Variants in RHOBTB1 observed in about 807,000 individuals in gnomAD.
RHOBTB1 encodes Rho related BTB domain containing 1.
A neutral mutation model predicts 71.6 loss-of-function variants in RHOBTB1; 40 were observed. That is an observed-to-expected ratio of 0.56 (90% confidence interval 0.43 to 0.73). The LOEUF is 0.73. RHOBTB1 is among the 30% of genes least tolerant of loss of function. The pLI, the probability that RHOBTB1 is intolerant of heterozygous loss-of-function variation, is 0.00. For missense variants in RHOBTB1, 797 were observed against 894.0 expected, an observed-to-expected ratio of 0.89 and a Z score of 1.38; for synonymous variants, 319 against 334.9, an observed-to-expected ratio of 0.95 and a Z score of 0.52.
upstream of RHOBTB1, among the ~76,000 whole-genome samples, chr10:60,944,780 C>G (rs1274366447): frequency 6.6e-6 from 1 of 152,222 alleles, no homozygotes; most frequent in Non-Finnish European, 1.5e-5. Context: ...CCTCCTCCTC[C>G]CTGGGCGGCT....
At chr10:60,985,525 T>C (rs2086633884) in intron 2 of RHOBTB1, among the ~76,000 whole-genome samples, 1 of 152,186 alleles carries the variant, frequency 6.6e-6, no homozygotes, top group Non-Finnish European at 1.5e-5. Context: ...CAATTTCCTG[T>C]ACAAAATGCT....
chr10:60,926,541 T>C (rs1372187262), intron 2 of RHOBTB1, among the ~76,000 whole-genome samples: 2 of 152,056 alleles, frequency 1.3e-5, no homozygotes, highest in Non-Finnish European at 2.9e-5. Context: ...CATGATCAAG[T>C]GAAATTCATC....
At chr10:60,981,262 TC>T (rs1348381022) in intron 2 of RHOBTB1, among the ~76,000 whole-genome samples, 1 of 152,076 alleles carries the variant, frequency 6.6e-6, no homozygotes, top group Non-Finnish European at 1.5e-5. Context: ...CAATGCGAGG[TC>T]CCCAGAATTA....
chr10:60,908,024 A>C (rs2082766441), intron 4 of RHOBTB1, among the ~76,000 whole-genome samples: 1 of 152,226 alleles, frequency 6.6e-6, no homozygotes, highest in African/African-American at 2.4e-5. Context: ...GGCTTTTGAA[A>C]AATTGGAGCT....
chr10:60,942,852 T>C (rs2084975137), intron 1 of RHOBTB1, among the ~76,000 whole-genome samples: 1 of 128,396 alleles, frequency 7.8e-6, no homozygotes, highest in Non-Finnish European at 1.5e-5. Context: ...AAACCACCGA[T>C]AACGGTATTT....
intron 1 of RHOBTB1, among the ~76,000 whole-genome samples, chr10:60,991,538 C>A (rs1001085826): frequency 6.6e-6 from 1 of 151,120 alleles, no homozygotes; most frequent in African/African-American, 2.4e-5. Flanking sequence ...TCAAGCAATT[C>A]TCCTGCCTCA....
chr10:60,922,763 G>C (rs2083642621), intron 2 of RHOBTB1, among the ~76,000 whole-genome samples: 1 of 152,212 alleles, frequency 6.6e-6, no homozygotes, highest in Non-Finnish European at 1.5e-5. Flanking sequence ...ACCAGGTAGA[G>C]AGAACAAAGT....
At position 60,911,439 on chromosome 10, in the gene RHOBTB1, G is replaced by A. The variant is rs1046307292; in HGVS notation, c.104C>T (p.Ala35Val). 1.7e-5 allele frequency: 27 copies of A among 1,614,160 alleles called. No individual in the cohort carries two copies. Among genetic ancestry groups the A allele is most frequent in the Middle Eastern group, 1.6e-4 (1 of 6,062 alleles). ...ATACTGCGTGAGTGTGGTGTTGCAC[G>A]CCCTGGCACAGATCAAGCGCGTCTT... ...VGKTRLICAR[A>V]CNTTLTQYQL... Residue 35 changes from alanine to valine, a missense_variant, in exon 3 of 11, where the codon GCG becomes GTG. Physicochemically the swap from Ala to Val is moderately conservative, Grantham distance 64. Coordinates refer to ENST00000337910, the MANE Select transcript of RHOBTB1 (RefSeq NM_014836.5).
chr10:60,991,823 G>A (rs965434139), intron 1 of RHOBTB1, among the ~76,000 whole-genome samples: 1 of 152,082 alleles, frequency 6.6e-6, no homozygotes, highest in Admixed American at 6.5e-5. Flanking sequence ...TCTAGTTGAT[G>A]CCTGTGCATC....
intron 2 of RHOBTB1, among the ~76,000 whole-genome samples, chr10:60,955,892 C>A (rs577891882): frequency 1.2e-4 from 19 of 152,262 alleles, no homozygotes; most frequent in African/African-American, 4.6e-4. Context: ...ACATTTATAA[C>A]AACTTTTAAT....
At chr10:60,900,596 C>G (rs981684859) in intron 4 of RHOBTB1, among the ~76,000 whole-genome samples, 1 of 152,132 alleles carries the variant, frequency 6.6e-6, no homozygotes, top group South Asian at 2.1e-4. Flanking sequence ...TCATTGTGCG[C>G]ACACAGTGTA....
At chr10:60,912,216 T>TACAC (rs1589275899) in intron 2 of RHOBTB1, among the ~76,000 whole-genome samples, 1 of 151,424 alleles carries the variant, frequency 6.6e-6, no homozygotes, top group African/African-American at 2.4e-5. Context: ...TATATATGTG[T>TACAC]ATATATATAC....
upstream of RHOBTB1, among the ~76,000 whole-genome samples, chr10:60,947,633 C>T (rs969505320): frequency 6.6e-6 from 1 of 151,826 alleles, no homozygotes; most frequent in African/African-American, 2.4e-5. Context: ...TGAATTTCAT[C>T]CATGGTATTG....
intron 2 of RHOBTB1, 62 bp from the exon 3 acceptor site, chr10:60,911,614 G>C (rs770164723): frequency 4.3e-6 from 6 of 1,379,592 alleles, no homozygotes; most frequent in Admixed American, 3.4e-5. Context: ...AATCAAAGAC[G>C]TAAGAGGTTC....
chr10:60,903,015 C>T (rs966510456), intron 4 of RHOBTB1, among the ~76,000 whole-genome samples: 2 of 152,076 alleles, frequency 1.3e-5, no homozygotes, highest in Admixed American at 1.3e-4. Flanking sequence ...CCAATTTTCC[C>T]GCAATACAGT....
chr10:60,875,059 G>T lies in RHOBTB1; in HGVS notation c.1727-17C>A. 1 of 1,608,132 alleles carries T rather than the reference G, an allele frequency of 6.2e-7. No homozygotes were observed. The highest frequency in any genetic ancestry group is 1.1e-5 in the South Asian group (1 of 90,926). The stretch of plus-strand genomic sequence containing the variant: ...CATGCTGTTCTGGGGAAGAGAGAGG[G>T]GGCAGGAGAACATTAAACCACGCCC... On this transcript the variant is annotated splice_polypyrimidine_tract_variant and intron_variant, in intron 8 of 10. Transcript: ENST00000337910.
At chr10:60,884,636 T>C (rs1284126735) in intron 7 of RHOBTB1, among the ~76,000 whole-genome samples, 1 of 152,170 alleles carries the variant, frequency 6.6e-6, no homozygotes, top group East Asian at 1.9e-4. Context: ...TTATACACAA[T>C]GGGATACTAT....
chr10:60,908,331 A>C (rs978167130), intron 4 of RHOBTB1, among the ~76,000 whole-genome samples: 26 of 152,336 alleles, frequency 1.7e-4, no homozygotes, highest in African/African-American at 6.0e-4. Flanking sequence ...CAAGAATCAA[A>C]TTAATTATTT....
intron 2 of RHOBTB1, among the ~76,000 whole-genome samples, chr10:60,964,307 TG>T (rs2085885085): frequency 6.6e-6 from 1 of 152,042 alleles, no homozygotes; most frequent in Admixed American, 6.6e-5. Flanking sequence ...AGGATACAAC[TG>T]ATTATAAACG....
Sources: gnomAD v4.1 joint callset for allele counts (sites outside exome capture counted in the v4.1 genomes callset) on GRCh38, gnomAD v4.1.1 for gene constraint, MANE v1.5 for transcripts, NCBI Gene and HGNC (gene_info 2026-07-23, HGNC 2026-07-21) for gene names.